RASA2: variants seen among roughly 807,000 people sequenced by gnomAD.
RASA2 encodes ras GTPase-activating protein 2.
Under a neutral mutation model 118.2 loss-of-function variants are expected in RASA2, and 155 were observed. The ratio of observed to expected loss-of-function variants is 1.31; its 90% CI spans 1.15 to 1.50. The LOEUF (loss-of-function observed/expected upper bound fraction) is 1.50, where lower values mean the gene tolerates loss of function less well. Ranked by LOEUF, RASA2 falls within the 40% of genes most tolerant of loss-of-function variation. The pLI is 0.00. For synonymous variants in RASA2, 353 were observed against 349.1 expected, an observed-to-expected ratio of 1.01 and a Z score of -0.12; for missense variants, 1,016 against 1,009.6, an observed-to-expected ratio of 1.01 and a Z score of -0.09.
chr3:141,511,651 C>G (rs2081952131), intron 1 of RASA2, among the ~76,000 whole-genome samples: 2 of 152,046 alleles, frequency 1.3e-5, no homozygotes, highest in Admixed American at 1.3e-4. Context: ...ATGGTGGGGT[C>G]AGAAGCTGAT....
Position 141,529,792 on chromosome 3 carries a change from C to G in RASA2, c.440C>G (p.Ser147Ter), listed in dbSNP as rs200745202. 6.2e-7 allele frequency: 1 copy of G among 1,602,626 alleles called. No individual in the cohort carries two copies. The highest frequency in any genetic ancestry group is 2.2e-5 in the East Asian group (1 of 44,712). The part of the protein sequence containing the change: ...WFSLQPVDSN[S>*]EVQGKVHLEL... The stretch of plus-strand genomic sequence containing the variant: ...TCATTACAGCCTGTTGACTCCAATT[C>G]AGAGGTTCAGGTAAATATTAAGGCT... The change falls in exon 4 of 24, where the codon TCA becomes TGA. Residue 147 changes from serine (S) to a stop codon, truncating the protein, a stop_gained. Transcript: ENST00000286364. LOFTEE classifies it high-confidence loss of function.
At chr3:141,593,476 T>C (rs2083317021) in intron 19 of RASA2, among the ~76,000 whole-genome samples, 5 of 152,126 alleles carry the variant, frequency 3.3e-5, no homozygotes, top group African/African-American at 1.2e-4. Context: ...AGTTTAGGGC[T>C]ACCAGAGAGG....
intron 5 of RASA2, among the ~76,000 whole-genome samples, chr3:141,552,613 C>T (rs2082590992): frequency 6.6e-6 from 1 of 152,160 alleles, no homozygotes; most frequent in Non-Finnish European, 1.5e-5. Flanking sequence ...GCAGTATGTA[C>T]AGTGGGAAAA....
At chr3:141,564,067 A>G (rs1230866502) in intron 9 of RASA2, among the ~76,000 whole-genome samples, 1 of 151,960 alleles carries the variant, frequency 6.6e-6, no homozygotes, top group Non-Finnish European at 1.5e-5. Context: ...TTTAGAAAGT[A>G]TGGCAGGAGT....
At chr3:141,564,148 C>T (rs1165726394) in intron 9 of RASA2, among the ~76,000 whole-genome samples, 3 of 152,002 alleles carry the variant, frequency 2.0e-5, no homozygotes, top group Non-Finnish European at 4.4e-5. Context: ...TATAGCACTA[C>T]CCTAATTCCT....
At position 141,571,070 on chromosome 3, in the gene RASA2, T is replaced by C. The variant is rs770827914; in HGVS notation, c.1020+2T>C. On this transcript the variant is annotated splice_donor_variant, in intron 10 of 23. Transcript: ENST00000286364. LOFTEE classifies it high-confidence loss of function. ...CTGCTAAAATCACCAGATGTTCAAG[T>C]ATGTTAAGAATCTTAAGGATATGAT... 1 of 1,595,392 alleles carries C rather than the reference T, an allele frequency of 6.3e-7. No individual in the cohort carries two copies. Among genetic ancestry groups the C allele is most frequent in the Non-Finnish European group, 8.5e-7 (1 of 1,174,720 alleles).
intron 3 of RASA2, among the ~76,000 whole-genome samples, chr3:141,520,639 T>C (rs1560005009): frequency 8.2e-6 from 1 of 122,642 alleles, no homozygotes; most frequent in Non-Finnish European, 1.7e-5. Context: ...TATATATAGT[T>C]ACATACACAT....
chr3:141,564,829 G>A (rs979407532), intron 9 of RASA2, among the ~76,000 whole-genome samples: 3 of 152,232 alleles, frequency 2.0e-5, no homozygotes, highest in Admixed American at 6.5e-5. Flanking sequence ...CCCTACTTTT[G>A]TAAGTGAGCA....
At chr3:141,606,140 A>G (rs999112873) in intron 19 of RASA2, among the ~76,000 whole-genome samples, 2 of 152,130 alleles carry the variant, frequency 1.3e-5, no homozygotes, top group Non-Finnish European at 2.9e-5. Context: ...GTCTGTGTCC[A>G]CTGGCTCTGG....
At chr3:141,505,774 T>TTGTTTG (rs141678306) in intron 1 of RASA2, among the ~76,000 whole-genome samples, 1 of 150,574 alleles carries the variant, frequency 6.6e-6, no homozygotes, top group Non-Finnish European at 1.5e-5. Flanking sequence ...GTCTCTGTGT[T>TTGTTTG]TGTGTGTGTG....
intron 11 of RASA2, among the ~76,000 whole-genome samples, chr3:141,572,068 A>G (rs1031277050): frequency 6.8e-6 from 1 of 147,810 alleles, no homozygotes; most frequent in Non-Finnish European, 1.5e-5. Context: ...ATATACACAC[A>G]CACACACACA....
At chr3:141,533,410 G>C (rs376011489) in intron 4 of RASA2, among the ~76,000 whole-genome samples, 66 of 152,224 alleles carry the variant, frequency 4.3e-4, no homozygotes, top group African/African-American at 1.6e-3. Context: ...CCAAATAATC[G>C]CAAGCCTGTT....
At chr3:141,497,322 A>T (rs1032122602) in intron 1 of RASA2, among the ~76,000 whole-genome samples, 4 of 74,916 alleles carry the variant, frequency 5.3e-5, no homozygotes, top group South Asian at 3.1e-4. Flanking sequence ...AAAGTATAAT[A>T]AAAAAAAAAA....
In RASA2 at chr3:141,553,745, C is replaced by T; in HGVS notation, c.528-112C>T. ...TAGTATATAGCCATACAACTGCAGA[C>T]ACATGGAAAACAATTCTTAACCTTT... On this transcript the variant is annotated intron_variant, in intron 5 of 23. Coordinates refer to ENST00000286364, the MANE Select transcript of RASA2 (RefSeq NM_006506.5). 3 of 1,481,854 alleles carry T rather than the reference C, an allele frequency of 2.0e-6. No individual in the cohort carries two copies. In the South Asian group the frequency reaches 4.3e-5, roughly 21 times the overall value. 91.8% of individuals were successfully genotyped at this position (1,481,854 alleles called of 1,614,324 possible).
intron 9 of RASA2, among the ~76,000 whole-genome samples, chr3:141,570,493 T>A (rs1412207117): frequency 4.6e-5 from 7 of 152,236 alleles, no homozygotes; most frequent in African/African-American, 1.7e-4. Flanking sequence ...GTGCTGAGAT[T>A]ACAGTCATGA....
At chr3:141,602,324 A>C (rs2083476917) in intron 19 of RASA2, among the ~76,000 whole-genome samples, 1 of 152,150 alleles carries the variant, frequency 6.6e-6, no homozygotes. Flanking sequence ...TTTACCTCAG[A>C]TCATCAGGCA....
intron 4 of RASA2, among the ~76,000 whole-genome samples, chr3:141,536,069 C>T (rs371231666): frequency 1.6e-4 from 25 of 152,074 alleles, no homozygotes; most frequent in Non-Finnish European, 2.2e-4. Context: ...ATAAAGTTAG[C>T]GTATAAAATA....
chr3:141,544,730 G>C (rs1268070979), intron 5 of RASA2, among the ~76,000 whole-genome samples: 1 of 152,112 alleles, frequency 6.6e-6, no homozygotes, highest in Admixed American at 6.5e-5. Context: ...CAAAGACATG[G>C]AATCAACTTA....
intron 1 of RASA2, among the ~76,000 whole-genome samples, chr3:141,504,229 C>A (rs187361856): frequency 3.3e-5 from 5 of 152,254 alleles, no homozygotes; most frequent in African/African-American, 1.2e-4. Context: ...AATTTCTTTT[C>A]TATATTTGCT....
Sources: gnomAD v4.1 joint callset for allele counts (sites outside exome capture counted in the v4.1 genomes callset) on GRCh38, gnomAD v4.1.1 for gene constraint, MANE v1.5 for transcripts, NCBI Gene and HGNC (gene_info 2026-07-23, HGNC 2026-07-21) for gene names.